Variants in IMPG2 observed in about 807,000 individuals in gnomAD.
IMPG2 encodes IPM 200.
A neutral mutation model predicts 129.2 loss-of-function variants in IMPG2; 91 were observed. That is an observed-to-expected ratio of 0.70 (90% CI 0.59 to 0.84). IMPG2 has a LOEUF of 0.84. Among genes scored for constraint, IMPG2 ranks in the 40% least tolerant of loss-of-function variants. IMPG2 has a pLI of 0.00. For synonymous variants in IMPG2, 510 were observed against 517.7 expected (o/e 0.99, Z 0.20); for missense variants, 1,430 against 1,461.7 (o/e 0.98, Z 0.35).
intron 10 of IMPG2, among the ~76,000 whole-genome samples, chr3:101,256,347 C>T (rs1706610069): frequency 6.6e-6 from 1 of 151,904 alleles, no homozygotes; most frequent in African/African-American, 2.4e-5. Context: ...AATGCACACA[C>T]ACATGCACAT....
rs760477475 is a variant in IMPG2 at position 101,245,995 on chromosome 3, C to T, written c.1350G>A (p.Trp450Ter). The change falls in exon 12 of 19, where the codon TGG becomes TGA. Residue 450 changes from tryptophan to a stop codon, truncating the protein, a stop_gained. Transcript: ENST00000193391. LOFTEE classifies it high-confidence loss of function. The part of the protein sequence containing the change: ...GPPSATGREL[W>*]SESPLGDLVS... ...CTAAATCACCCAAAGGACTTTCTGACCAGAGTTCCCTGCCAGTGGCTGAGG... is the reference window on the plus strand; with the variant it reads ...CTAAATCACCCAAAGGACTTTCTGATCAGAGTTCCCTGCCAGTGGCTGAGG... The T allele has an allele frequency of 6.2e-7, 1 of 1,614,092 alleles. No individual in the cohort carries two copies. Among genetic ancestry groups the T allele is most frequent in the Non-Finnish European group, 8.5e-7 (1 of 1,180,010 alleles).
At chr3:101,306,517 TTTC>T (rs1707190955) in intron 2 of IMPG2, among the ~76,000 whole-genome samples, 1 of 152,224 alleles carries the variant, frequency 6.6e-6, no homozygotes, top group Non-Finnish European at 1.5e-5. Flanking sequence ...TTGTTTTTCA[TTTC>T]TTCTTCTTAA....
chr3:101,309,070 C>T (rs1707234381), intron 2 of IMPG2, among the ~76,000 whole-genome samples: 1 of 152,196 alleles, frequency 6.6e-6, no homozygotes, highest in African/African-American at 2.4e-5. Context: ...TCCTCATCTC[C>T]ATGTGAGACC....
intron 18 of IMPG2, among the ~76,000 whole-genome samples, 187 bp downstream of exon 18, chr3:101,228,610 C>T (rs1273300080): frequency 6.6e-6 from 1 of 152,142 alleles, no homozygotes; most frequent in East Asian, 1.9e-4. Flanking sequence ...TTACAAAGCC[C>T]TTATAAGGAA....
chr3:101,244,251 C>T lies in IMPG2; in HGVS notation c.2080G>A (p.Ala694Thr). ...AGGGTTAGAGACGCAGATTCAGCTG[C>T]AGTATCTGCGAAGATGGGCACAGCA... ...GPAVPIFADT[A>T]AESASLTLPK... is the part of the protein sequence containing the mutation. Residue 694 changes from alanine to threonine, a missense_variant, in exon 13 of 19, where the codon GCA (alanine) becomes ACA (threonine). Transcript: ENST00000193391. 6.2e-7 allele frequency: 1 copy of T among 1,613,982 alleles called. No individual in the cohort carries two copies.
At chr3:101,241,695 T>A (rs1706409393) in intron 14 of IMPG2, among the ~76,000 whole-genome samples, 2 of 152,000 alleles carry the variant, frequency 1.3e-5, no homozygotes, top group Admixed American at 1.3e-4. Flanking sequence ...GTTTGGTGAG[T>A]GACTAAAAGC....
intron 11 of IMPG2, among the ~76,000 whole-genome samples, chr3:101,249,959 C>T (rs1436791845): frequency 6.6e-6 from 1 of 152,028 alleles, no homozygotes; most frequent in Non-Finnish European, 1.5e-5. Flanking sequence ...TAGTGCATTC[C>T]TATAGTACTC....
chr3:101,263,917 A>G (rs561931697), intron 9 of IMPG2, among the ~76,000 whole-genome samples: 29 of 151,814 alleles, frequency 1.9e-4, no homozygotes, highest in African/African-American at 6.5e-4. Context: ...GAGACATCAC[A>G]TCAAATACCA....
At chr3:101,280,076 G>A (rs1364723806) in intron 4 of IMPG2, among the ~76,000 whole-genome samples, 1 of 152,192 alleles carries the variant, frequency 6.6e-6, no homozygotes, top group Non-Finnish European at 1.5e-5. Context: ...AGTTGAAGCT[G>A]TTCAGCTAAG....
chr3:101,270,980 C>T (rs533765777), intron 7 of IMPG2, among the ~76,000 whole-genome samples: 1 of 152,192 alleles, frequency 6.6e-6, no homozygotes, highest in Middle Eastern at 3.4e-3. Context: ...ACCAAGTCCT[C>T]ATATGAGGAG....
intron 2 of IMPG2, among the ~76,000 whole-genome samples, chr3:101,305,328 G>A (rs1707177712): frequency 6.6e-6 from 1 of 152,118 alleles, no homozygotes; most frequent in Non-Finnish European, 1.5e-5. Context: ...CAGGGGTTGA[G>A]GGAGACAGGG....
At chr3:101,301,494 A>G (rs1707139012) in intron 3 of IMPG2, among the ~76,000 whole-genome samples, 1 of 152,168 alleles carries the variant, frequency 6.6e-6, no homozygotes, top group African/African-American at 2.4e-5. Context: ...GGCATCCCAG[A>G]CCCCTATCCT....
At chr3:101,234,275 C>A (rs1329436087) in intron 14 of IMPG2, among the ~76,000 whole-genome samples, 1 of 151,188 alleles carries the variant, frequency 6.6e-6, no homozygotes, top group Non-Finnish European at 1.5e-5. Flanking sequence ...TATCTGGAGA[C>A]AAAGGCAGAT....
In IMPG2 at chr3:101,244,094, T is replaced by G. The variant is rs749540455; in HGVS notation, c.2237A>C (p.Asp746Ala). 1.2e-6 allele frequency: 2 copies of G among 1,614,010 alleles called. No homozygotes were observed. Among genetic ancestry groups the G allele is most frequent in the Non-Finnish European group, 8.5e-7 (1 of 1,180,006 alleles). ...GGATGACTCAGTAATTTGTTCCATA[T>G]CCTCCCTTAGGATGGCATCTGCCTG... Reference protein sequence around the residue: ...SDQADAILREDMEQITESSNY... With the variant: ...SDQADAILREAMEQITESSNY... Residue 746 changes from aspartate (D) to alanine (A), a missense_variant, in exon 13 of 19, where the codon GAT becomes GCT. Coordinates refer to ENST00000193391, the MANE Select transcript of IMPG2 (RefSeq NM_016247.4).
At chr3:101,263,833 A>G (rs987341234) in intron 9 of IMPG2, among the ~76,000 whole-genome samples, 14 of 150,512 alleles carry the variant, frequency 9.3e-5, no homozygotes, top group African/African-American at 3.4e-4. Flanking sequence ...GCATTCTACC[A>G]TTACTCAAAG....
chr3:101,304,429 A>G (rs1221388120), intron 2 of IMPG2, 117 bp from the exon 3 acceptor site: 1 of 899,714 alleles, frequency 1.1e-6, no homozygotes, highest in African/African-American at 1.7e-5. Flanking sequence ...TTCTGGAGGG[A>G]TGTAGGAATG....
chr3:101,225,705 T>C lies in IMPG2; in HGVS notation c.*1264A>G, dbSNP rs1364680467. 1 of 152,168 alleles carries C rather than the reference T, an allele frequency of 6.6e-6. No individual in the cohort carries two copies. Among genetic ancestry groups the C allele is most frequent in the Non-Finnish European group, 1.5e-5 (1 of 68,040 alleles). The allele number at this position is 152,168 out of a possible 1,614,324, so 9.4% of individuals were successfully genotyped here. A position where few individuals can be genotyped will look rare whatever the true frequency, so the allele number is the denominator to read the frequency against. ...TTGGCAAGCATGAAGACATCTAGCA[T>C]AAAGTATCTGCATTAATAATAACCT... On this transcript the variant is annotated 3_prime_UTR_variant, in exon 19 of 19. Coordinates refer to ENST00000193391, the MANE Select transcript of IMPG2 (RefSeq NM_016247.4).
chr3:101,246,216 C>A (rs191510301), intron 11 of IMPG2, 111 bp from the exon 12 acceptor site: 3 of 989,688 alleles, frequency 3.0e-6, no homozygotes. Context: ...GACAAGGAGG[C>A]GGTGTATTAA....
In IMPG2 at chr3:101,226,052, G is replaced by T. The variant is rs990334980; in HGVS notation, c.*917C>A. On this transcript the variant is annotated 3_prime_UTR_variant, in exon 19 of 19. Coordinates refer to ENST00000193391, the MANE Select transcript of IMPG2 (RefSeq NM_016247.4). ...CAAATTAATACACCAGGAACTAGAG[G>T]AGAGACAGGATTTGCCCAAGACATC... The T allele has an allele frequency of 1.9e-5, 3 of 154,190 alleles. No individual in the cohort carries two copies. Among genetic ancestry groups the T allele is most frequent in the Admixed American group, 1.3e-4 (2 of 15,214 alleles). The allele number at this position is 154,190 out of a possible 1,614,324, so 9.6% of individuals were successfully genotyped here.
Sources: allele counts gnomAD v4.1 joint callset (sites outside exome capture counted in the v4.1 genomes callset), GRCh38; gene constraint gnomAD v4.1.1; transcripts MANE v1.5; gene names NCBI Gene and HGNC (gene_info 2026-07-23, HGNC 2026-07-21).